Variants in ATP10B observed in about 807,000 individuals in gnomAD.
The protein encoded by ATP10B is phospholipid-transporting ATPase VB.
In ATP10B, 122 loss-of-function variants were observed where a neutral mutation model predicts 141.2. The ratio of observed to expected loss-of-function variants is 0.86; its 90% CI spans 0.75 to 1.00. ATP10B has a LOEUF of 1.00. Among genes scored for constraint, ATP10B ranks in the 50% least tolerant of loss-of-function variants. ATP10B has a pLI of 0.00. For missense variants in ATP10B, 1,876 were observed against 1,825.3 expected, an observed-to-expected ratio of 1.03 and a Z score of -0.51; for synonymous variants, 685 against 692.0, an observed-to-expected ratio of 0.99 and a Z score of 0.16.
At chr5:160,728,718 T>G (rs544577345) in intron 2 of ATP10B, among the ~76,000 whole-genome samples, 3 of 152,316 alleles carry the variant, frequency 2.0e-5, no homozygotes, top group African/African-American at 7.2e-5. Context: ...CCCCAAGACA[T>G]GCAATTGTTG....
chr5:160,912,056 G>C, the ATP10B span, among the ~76,000 whole-genome samples: 1 of 152,186 alleles, frequency 6.6e-6, no homozygotes, highest in Admixed American at 6.5e-5. Context: ...CCAGTAGAGA[G>C]AGAGAGATTA....
the ATP10B span, among the ~76,000 whole-genome samples, chr5:160,906,448 C>T: frequency 4.0e-4 from 61 of 152,276 alleles, no homozygotes; most frequent in Non-Finnish European, 6.2e-4. Flanking sequence ...CTTCTAAACA[C>T]TTTGGAAGGA....
rs1756249940 is a variant in ATP10B, at chr5:160,591,007, G to T, written c.3645+52C>A. 5 of 1,413,132 alleles carry T rather than the reference G, an allele frequency of 3.5e-6. No homozygotes were observed. The South Asian group carries it at 4.7e-5, about 13-fold the overall frequency. 87.5% of individuals were successfully genotyped at this position (1,413,132 alleles called of 1,614,324 possible). A position where few individuals can be genotyped will look rare whatever the true frequency, so the allele number is the denominator to read the frequency against. ...CTGGTCTGGAACTTTATATAAAAAG[G>T]ACCAGTTCTTCTCTGCAATTTATGT... On this transcript the variant is annotated intron_variant, in intron 23 of 25. Transcript: ENST00000327245.
chr5:160,653,071 T>C (rs1761012842), intron 7 of ATP10B, among the ~76,000 whole-genome samples: 1 of 119,568 alleles, frequency 8.4e-6, no homozygotes, highest in Non-Finnish European at 1.6e-5. Context: ...TATTTATGTA[T>C]ATATAGTGTA....
At chr5:160,793,616 T>C (rs1047692683) in intron 1 of ATP10B, among the ~76,000 whole-genome samples, 3 of 152,222 alleles carry the variant, frequency 2.0e-5, no homozygotes, top group East Asian at 3.8e-4. Flanking sequence ...CAACATTGTA[T>C]TGCAATTACT....
intron 2 of ATP10B, among the ~76,000 whole-genome samples, chr5:160,741,246 G>A (rs922102672): frequency 5.3e-5 from 8 of 152,200 alleles, no homozygotes; most frequent in African/African-American, 1.9e-4. Flanking sequence ...TAGTTCTGAA[G>A]AAATGCTTCA....
At chr5:160,787,105 GAC>G (rs58517660) in intron 1 of ATP10B, among the ~76,000 whole-genome samples, 26,568 of 133,224 alleles carry the variant, frequency 0.2, 2,269 homozygotes, top group Middle Eastern at 0.25. Context: ...TTTTGACACA[GAC>G]ACACACACAC....
chr5:160,897,307 C>A, the ATP10B span, among the ~76,000 whole-genome samples: 1 of 152,152 alleles, frequency 6.6e-6, no homozygotes, highest in Non-Finnish European at 1.5e-5. Flanking sequence ...TTATCTCAAC[C>A]CCAAATTCCT....
chr5:160,695,686 A>T (rs1764318871), intron 3 of ATP10B, among the ~76,000 whole-genome samples: 1 of 152,184 alleles, frequency 6.6e-6, no homozygotes, highest in African/African-American at 2.4e-5. Context: ...CTCCATACCC[A>T]ATTCTCTAAA....
the ATP10B span, among the ~76,000 whole-genome samples, chr5:160,900,029 GGTT>G: frequency 2.0e-5 from 3 of 152,272 alleles, no homozygotes; most frequent in Non-Finnish European, 4.4e-5. Flanking sequence ...GTGTCGTTGT[GGTT>G]GTTGTGTTAT....
At chr5:160,749,080 C>T (rs546710809) in intron 2 of ATP10B, among the ~76,000 whole-genome samples, 2 of 152,266 alleles carry the variant, frequency 1.3e-5, no homozygotes, top group Admixed American at 6.5e-5. Flanking sequence ...AGCCTGAATC[C>T]AAATCCATGT....
intron 13 of ATP10B, among the ~76,000 whole-genome samples, chr5:160,630,310 G>T (rs991289015): frequency 9.2e-5 from 14 of 152,172 alleles, no homozygotes; most frequent in African/African-American, 3.4e-4. Context: ...TGGGGTTAGT[G>T]TGTCCCTCTC....
At chr5:160,825,821 C>T (rs1156601511) in intron 1 of ATP10B, among the ~76,000 whole-genome samples, 1 of 152,190 alleles carries the variant, frequency 6.6e-6, no homozygotes, top group Non-Finnish European at 1.5e-5. Context: ...CTTCCCCTGA[C>T]CAGTAGTCAG....
intron 1 of ATP10B, among the ~76,000 whole-genome samples, chr5:160,828,619 C>G (rs1426003762): frequency 1.3e-5 from 2 of 151,420 alleles, no homozygotes; most frequent in African/African-American, 4.9e-5. Flanking sequence ...GGACTGCGAA[C>G]TAGTTCAACC....
the ATP10B span, among the ~76,000 whole-genome samples, chr5:160,897,447 T>C: frequency 5.9e-5 from 9 of 152,088 alleles, no homozygotes; most frequent in African/African-American, 2.2e-4. Flanking sequence ...TCACAATTAC[T>C]ACAAAGAATA....
intron 7 of ATP10B, among the ~76,000 whole-genome samples, chr5:160,654,798 A>C (rs1181858247): frequency 6.6e-6 from 1 of 151,076 alleles, no homozygotes; most frequent in Non-Finnish European, 1.5e-5. Flanking sequence ...AGAATCAACT[A>C]AGTATTTTAT....
chr5:160,729,114 A>G (rs907892088), intron 2 of ATP10B, among the ~76,000 whole-genome samples: 3 of 152,202 alleles, frequency 2.0e-5, no homozygotes, highest in Non-Finnish European at 4.4e-5. Context: ...ATACTGAATA[A>G]TTACATTATT....
At chr5:160,840,764 T>A (rs1775764096) in intron 1 of ATP10B, among the ~76,000 whole-genome samples, 2 of 152,080 alleles carry the variant, frequency 1.3e-5, no homozygotes, top group South Asian at 2.1e-4. Flanking sequence ...AAGGAAAAAT[T>A]ATCATTCTAT....
At chr5:160,912,610 GAGAAA>G in the ATP10B span, among the ~76,000 whole-genome samples, 11 of 133,372 alleles carry the variant, frequency 8.2e-5, no homozygotes, top group East Asian at 2.1e-4. Context: ...GAAAAGAAAA[GAGAAA>G]AGAAAAGAAG....
Sources: gnomAD v4.1 joint callset for allele counts (sites outside exome capture counted in the v4.1 genomes callset) on GRCh38, gnomAD v4.1.1 for gene constraint, MANE v1.5 for transcripts, NCBI Gene and HGNC (gene_info 2026-07-23, HGNC 2026-07-21) for gene names.